NAT16: variants seen among roughly 807,000 people sequenced by gnomAD.
NAT16 encodes the protein N-acetyltransferase 16 (putative).
NAT16 carries 16 observed loss-of-function variants against 15.9 expected under a neutral mutation model. The ratio of observed to expected loss-of-function variants is 1.01; its 90% CI spans 0.68 to 1.53. The LOEUF is 1.53. Among genes scored for constraint, NAT16 ranks in the 40% most tolerant of loss-of-function variants. The pLI is 0.00. For synonymous variants in NAT16, 260 were observed against 241.9 expected, an observed-to-expected ratio of 1.07 and a Z score of -0.69; for missense variants, 572 against 508.4, an observed-to-expected ratio of 1.13 and a Z score of -1.20.
Position 101,172,620 on chromosome 7 carries a change from G to T in NAT16, c.569C>A (p.Ala190Glu), listed in dbSNP as rs1797354590. ...CCGCGCGCCCAGCCCGGCCAGCAGC[G>T]CGGACGCGTTGAATCGGACCAAAAG... ...GILLVRFNAS[A>E]LLAGLGARLA... is the part of the protein sequence containing the mutation. The change falls in exon 4 of 4, where the codon GCG becomes GAG. Residue 190 changes from alanine to glutamate, a missense_variant. By Grantham distance (107) the Ala-to-Glu change is moderately radical. Coordinates refer to ENST00000300303, the MANE Select transcript of NAT16 (RefSeq NM_198571.3). This position sits in a 1 kb window ranked among gnomAD's most constrained non-coding sequence, Gnocchi z 4.2. 2 of 1,524,736 alleles carry T rather than the reference G, an allele frequency of 1.3e-6. No individual in the cohort carries two copies. The highest frequency in any genetic ancestry group is 2.8e-5 in the African/African-American group (2 of 70,182). 94.5% of individuals were successfully genotyped at this position (1,524,736 alleles called of 1,614,324 possible). A position where few individuals can be genotyped will look rare whatever the true frequency, so the allele number is the denominator to read the frequency against.
intron 1 of NAT16, among the ~76,000 whole-genome samples, chr7:101,178,318 G>C (rs936838906): frequency 6.6e-6 from 1 of 152,074 alleles, no homozygotes; most frequent in Non-Finnish European, 1.5e-5. Context: ...AAGGTTCCCA[G>C]GTCCTTAAAC....
intron 1 of NAT16, among the ~76,000 whole-genome samples, chr7:101,176,897 ATTTTTATTTTT>A (rs1002092360): frequency 6.6e-6 from 1 of 151,948 alleles, no homozygotes; most frequent in African/African-American, 2.4e-5. Flanking sequence ...CTTAACTGGA[ATTTTTATTTTT>A]TTTTTTAACA....
rs919960995 is a variant in NAT16, at chr7:101,172,843, G to A, written c.538-192C>T. On this transcript the variant is annotated intron_variant, in intron 3 of 3. Transcript: ENST00000300303. The surrounding 1 kb of genome is among the most constrained non-coding windows in gnomAD (Gnocchi z 4.2). ...GCCTGGGTTTCAAGGGTACCAGACA[G>A]GGACCAGGGGCACGGGCTCCCAGTA... is the stretch of plus-strand genomic sequence containing the variant. 5.9e-5 allele frequency among the ~76,000 whole-genome samples: 9 copies of A among 152,272 alleles called. No individual in the cohort carries two copies. Among genetic ancestry groups the A allele is most frequent in the African/African-American group, 2.2e-4 (9 of 41,584 alleles).
rs901347122 is a variant in NAT16, at chr7:101,180,163, G to A, written c.-126C>T. On this transcript the variant is annotated 5_prime_UTR_variant, in exon 1 of 4. Transcript: ENST00000300303. ...CCTTTGGAGCCCCCAAGAGTCAAAG[G>A]AGGATGACGCGCGGGGACTCGGCCG... is the stretch of plus-strand genomic sequence containing the variant. 6.6e-6 allele frequency: 1 copy of A among 152,456 alleles called. No individual in the cohort carries two copies. The allele number at this position is 152,456 out of a possible 1,614,324, so 9.4% of individuals were successfully genotyped here.
At chr7:101,177,648 A>G (rs1797496049) in intron 1 of NAT16, among the ~76,000 whole-genome samples, 1 of 152,154 alleles carries the variant, frequency 6.6e-6, no homozygotes, top group Admixed American at 6.6e-5. Flanking sequence ...CACCATGCCC[A>G]GCCAAGATCT....
intron 2 of NAT16, chr7:101,174,035 C>A: frequency 4.3e-6 from 1 of 235,046 alleles, no homozygotes; most frequent in Non-Finnish European, 8.2e-6. Context: ...CGGCCCCTTC[C>A]ACCTCTTGAG....
rs999583992 is a variant in NAT16 at position 101,172,709 on chromosome 7, G to A, written c.538-58C>T. On this transcript the variant is annotated intron_variant, in intron 3 of 3. Transcript: ENST00000300303. The surrounding 1 kb of genome is among the most constrained non-coding windows in gnomAD (Gnocchi z 4.2). ...GGGCGCAGCAGGGCTGGCGAGCCCG[G>A]CGCCTCTCGGCAGGCATCTTCACTC... 4.4e-5 allele frequency: 59 copies of A among 1,334,180 alleles called. No individual in the cohort carries two copies. The highest frequency in any genetic ancestry group is 5.8e-5 in the Non-Finnish European group (59 of 1,021,750). 82.6% of individuals were successfully genotyped at this position (1,334,180 alleles called of 1,614,324 possible).
rs530642983 is a variant in NAT16 at position 101,172,869 on chromosome 7, C to G, written c.538-218G>C. On this transcript the variant is annotated intron_variant, in intron 3 of 3. Transcript: ENST00000300303. The surrounding 1 kb of genome is among the most constrained non-coding windows in gnomAD (Gnocchi z 4.2). ...GGACCAGGGGCACGGGCTCCCAGTA[C>G]GTGGATCCCCAAGAAGAGGTGGGAT... Among the ~76,000 whole-genome samples the G allele has an allele frequency of 2.6e-5, 4 of 152,246 alleles. No homozygotes were observed. Among genetic ancestry groups the G allele is most frequent in the African/African-American group, 7.2e-5 (3 of 41,562 alleles).
intron 1 of NAT16, among the ~76,000 whole-genome samples, chr7:101,176,263 G>A (rs923003760): frequency 7.9e-5 from 12 of 152,202 alleles, no homozygotes; most frequent in African/African-American, 2.9e-4. Flanking sequence ...GCTCAGCCGA[G>A]GCGGGTAGAT....
Position 101,171,924 on chromosome 7 carries a change from C to A in NAT16, c.*155G>T. ...GGCAAGATAGTAAGGGCAAAAGGGA[C>A]AGAGTGGGGGGACCTGCGCCGGTAA... On this transcript the variant is annotated 3_prime_UTR_variant, in exon 4 of 4. Coordinates refer to ENST00000300303, the MANE Select transcript of NAT16 (RefSeq NM_198571.3). 1 of 608,182 alleles carries A rather than the reference C, an allele frequency of 1.6e-6. No individual in the cohort carries two copies. Among genetic ancestry groups the A allele is most frequent in the South Asian group, 2.0e-5 (1 of 50,454 alleles). The allele number at this position is 608,182 out of a possible 1,614,324, so 37.7% of individuals were successfully genotyped here.
intron 2 of NAT16, 197 bp downstream of exon 2, chr7:101,174,299 G>A (rs1797413052): frequency 3.0e-6 from 2 of 669,288 alleles, no homozygotes; most frequent in Non-Finnish European, 4.9e-6. Context: ...CTCTGCTTTA[G>A]GAGTCCTCCA....
intron 2 of NAT16, 27 bp downstream of exon 2, chr7:101,174,469 T>A: frequency 6.3e-7 from 1 of 1,579,064 alleles, no homozygotes; most frequent in Non-Finnish European, 8.6e-7. Flanking sequence ...TCACCCCATG[T>A]CACCTGGGCC....
At chr7:101,175,903 CAG>C (rs1797454460) in intron 1 of NAT16, among the ~76,000 whole-genome samples, 2 of 133,092 alleles carry the variant, frequency 1.5e-5, no homozygotes, top group Non-Finnish European at 3.2e-5. Flanking sequence ...GCCTGTGTGA[CAG>C]AGAGAGAACC....
At position 101,171,479 on chromosome 7, in the gene NAT16, G is replaced by C. The variant is rs75082775; in HGVS notation, c.*600C>G. ...GTAGAGATCCAGCGAGGATGAGGAT[G>C]AGGGGCTAGAGAGAAGTGGGGAGAG... On this transcript the variant is annotated 3_prime_UTR_variant, in exon 4 of 4. Transcript: ENST00000300303. 4,708 of 152,962 alleles carry C rather than the reference G, an allele frequency of 0.031. 111 individuals are homozygous for C. Among genetic ancestry groups the C allele is most frequent in the Middle Eastern group, 0.099 (30 of 302 alleles). The allele number at this position is 152,962 out of a possible 1,614,324, so 9.5% of individuals were successfully genotyped here.
intron 1 of NAT16, among the ~76,000 whole-genome samples, chr7:101,175,411 C>G (rs1016370660): frequency 2.6e-5 from 4 of 151,956 alleles, no homozygotes; most frequent in African/African-American, 9.7e-5. Flanking sequence ...TGGCCCACAC[C>G]CTTTCTTTTC....
chr7:101,172,016 G>A lies in NAT16; in HGVS notation c.*63C>T. On this transcript the variant is annotated 3_prime_UTR_variant, in exon 4 of 4. Coordinates refer to ENST00000300303, the MANE Select transcript of NAT16 (RefSeq NM_198571.3). The surrounding 1 kb of genome is among the most constrained non-coding windows in gnomAD (Gnocchi z 4.2). ...CAGCGTCGGAAATGGCAGGAAAGAGGCTGGCTGGGGAAACTGCGGAAGGGG... is the reference window on the plus strand; with the variant it reads ...CAGCGTCGGAAATGGCAGGAAAGAGACTGGCTGGGGAAACTGCGGAAGGGG... 1 of 1,210,116 alleles carries A rather than the reference G, an allele frequency of 8.3e-7. No homozygotes were observed. Among genetic ancestry groups the A allele is most frequent in the Non-Finnish European group, 1.2e-6 (1 of 844,306 alleles). 75.0% of individuals were successfully genotyped at this position (1,210,116 alleles called of 1,614,324 possible).
Position 101,174,529 on chromosome 7 carries a change from G to A in NAT16, c.279C>T (p.Arg93=), listed in dbSNP as rs1302258346. 6 of 1,613,586 alleles carry A rather than the reference G, an allele frequency of 3.7e-6. No individual in the cohort carries two copies. The highest frequency in any genetic ancestry group is 8.5e-7 in the Non-Finnish European group (1 of 1,179,850). The change falls in exon 2 of 4, where the codon CGC becomes CGT. Residue 93 remains arginine (R), a synonymous_variant. Coordinates refer to ENST00000300303, the MANE Select transcript of NAT16 (RefSeq NM_198571.3). ...RYHSWLRDPD[R]TVVLAKRNGG... is the part of the protein sequence containing the mutation. The stretch of plus-strand genomic sequence containing the variant: ...CGTTGCGCTTGGCCAGCACCACCGT[G>A]CGGTCGGGGTCCCGGAGCCAGCTGT...
At position 101,172,438 on chromosome 7, in the gene NAT16, G is replaced by T; in HGVS notation, c.751C>A (p.Pro251Thr). ...TIIQDWQPYR[P>T]SESNLRLLAA... ...AGCAGGCGCAGGTTGCTTTCGCTAGGCCGGTAGGGCTGCCAGTCCTGGATG... is the reference window on the plus strand; with the variant it reads ...AGCAGGCGCAGGTTGCTTTCGCTAGTCCGGTAGGGCTGCCAGTCCTGGATG... The change falls in exon 4 of 4, where the codon CCT becomes ACT. Residue 251 changes from proline (P) to threonine (T), a missense_variant. Transcript: ENST00000300303. The surrounding 1 kb of genome is among the most constrained non-coding windows in gnomAD (Gnocchi z 4.2). 6.3e-7 allele frequency: 1 copy of T among 1,596,958 alleles called. No individual in the cohort carries two copies.
chr7:101,177,904 C>T (rs1241044727), intron 1 of NAT16, among the ~76,000 whole-genome samples: 4 of 152,182 alleles, frequency 2.6e-5, no homozygotes, highest in Non-Finnish European at 5.9e-5. Context: ...GACAATGGGT[C>T]CCAGAGAACA....
Sources: gnomAD v4.1 joint callset for allele counts (sites outside exome capture counted in the v4.1 genomes callset) on GRCh38, gnomAD v4.1.1 for gene constraint, Gnocchi (gnomAD v3.1) non-coding constraint, MANE v1.5 for transcripts, NCBI Gene and HGNC (gene_info 2026-07-23, HGNC 2026-07-21) for gene names.